The following SLF1 variants were observed in gnomAD, a reference collection of about 807,000 sequenced individuals.
SLF1 encodes the protein SMC5/6 complex localization factor 1.
In SLF1, 105 loss-of-function variants were observed where a neutral mutation model predicts 123.0. The ratio of observed to expected loss-of-function variants is 0.85; its 90% CI spans 0.73 to 1.00. SLF1 has a LOEUF of 1.00. SLF1 is among the 50% of genes least tolerant of loss of function. The pLI, the probability that SLF1 is intolerant of heterozygous loss-of-function variation, is 0.00. For missense variants in SLF1, 1,239 were observed against 1,223.0 expected (o/e 1.01, Z -0.20); for synonymous variants, 434 against 406.6 (o/e 1.07, Z -0.81).
chr5:94,648,135 CA>C (rs1747276564), intron 5 of SLF1, among the ~76,000 whole-genome samples: 1 of 152,150 alleles, frequency 6.6e-6, no homozygotes, highest in South Asian at 2.1e-4. Flanking sequence ...GCCAGGTACT[CA>C]TTTCCCCCCA....
At chr5:94,687,011 G>A (rs573754345) in intron 16 of SLF1, among the ~76,000 whole-genome samples, 3 of 152,244 alleles carry the variant, frequency 2.0e-5, no homozygotes, top group South Asian at 2.1e-4. Context: ...TGATCTGCCT[G>A]CCTCGGCCTC....
rs755998899 is a variant in SLF1 at position 94,686,685 on chromosome 5, T to G, written c.2088T>G (p.Ser696Arg). The G allele has an allele frequency of 5.6e-6, 9 of 1,614,134 alleles. No homozygotes were observed. The South Asian group carries it at 8.8e-5, about 16-fold the overall frequency. The stretch of plus-strand genomic sequence containing the variant: ...AGTTGTGTCTACAGAGCTCTGGCAG[T>G]GTTTCTTCTGAGCCACTCTCTCTTC... ...FKKLCLQSSG[S>R]VSSEPLSLQK... The change falls in exon 16 of 21, where the codon AGT becomes AGG. Residue 696 changes from serine to arginine, a missense_variant. By Grantham distance (110) the Ser-to-Arg change is moderately radical (BLOSUM62 -1). Coordinates refer to ENST00000265140, the MANE Select transcript of SLF1 (RefSeq NM_032290.4).
At chr5:94,677,899 A>T (rs1751272567) in intron 14 of SLF1, among the ~76,000 whole-genome samples, 1 of 151,180 alleles carries the variant, frequency 6.6e-6, no homozygotes, top group Non-Finnish European at 1.5e-5. Flanking sequence ...TGTTTATTAT[A>T]AAAGTAATCA....
chr5:94,687,152 C>A (rs868087203), intron 16 of SLF1, among the ~76,000 whole-genome samples: 11 of 152,288 alleles, frequency 7.2e-5, no homozygotes, highest in South Asian at 2.1e-4. Flanking sequence ...TGTATAAAAG[C>A]TAGTATATTT....
intron 9 of SLF1, 61 bp downstream of exon 9, chr5:94,654,813 ATATAAT>A (rs1221518790): frequency 5.9e-6 from 7 of 1,177,810 alleles, no homozygotes; most frequent in Non-Finnish European, 7.9e-6. Context: ...TGTATTCAAA[ATATAAT>A]TATATATACA....
Position 94,655,953 on chromosome 5 carries a change from A to T in SLF1, c.1155+1201A>T, listed in dbSNP as rs557070091. Among the ~76,000 whole-genome samples the T allele has an allele frequency of 4.6e-5, 7 of 151,900 alleles. No homozygotes were observed. The East Asian group carries it at 1.4e-3, about 29-fold the overall frequency. ...GCCTTTTCTTTCTTTTCCTTGCCTG[A>T]TTGCTCTGGTGAGGATGACTTTCAG... On this transcript the variant is annotated intron_variant, in intron 9 of 20. Coordinates refer to ENST00000265140, the MANE Select transcript of SLF1 (RefSeq NM_032290.4).
chr5:94,677,008 A>G (rs954230276), intron 14 of SLF1, among the ~76,000 whole-genome samples: 3 of 152,232 alleles, frequency 2.0e-5, no homozygotes, highest in African/African-American at 4.8e-5. Flanking sequence ...CATATTAGGC[A>G]TAATATGTGC....
At chr5:94,633,067 C>T (rs561903029) in intron 4 of SLF1, among the ~76,000 whole-genome samples, 12 of 151,730 alleles carry the variant, frequency 7.9e-5, no homozygotes, top group Non-Finnish European at 1.3e-4. Context: ...CTTGGCTCAC[C>T]GCAACCTCTG....
chr5:94,651,593 T>TTATG (rs1336458527), intron 6 of SLF1, 109 bp from the exon 7 acceptor site: 2 of 834,946 alleles, frequency 2.4e-6, no homozygotes, highest in African/African-American at 3.6e-5. Context: ...TATGTATATT[T>TTATG]TACAAAATCT....
intron 4 of SLF1, among the ~76,000 whole-genome samples, chr5:94,637,553 T>C (rs1394210641): frequency 6.6e-6 from 1 of 152,058 alleles, no homozygotes; most frequent in African/African-American, 2.4e-5. Context: ...GAATTGCTGC[T>C]TAAGATGGAT....
At position 94,670,989 on chromosome 5, in the gene SLF1, A is replaced by G. The variant is rs1750370681; in HGVS notation, c.1808A>G (p.Glu603Gly). 1.6e-5 allele frequency: 24 copies of G among 1,543,778 alleles called. No individual in the cohort carries two copies. In the East Asian group the frequency reaches 2.2e-4, roughly 14 times the overall value. Residue 603 changes from glutamate to glycine, a missense_variant, in exon 14 of 21, where the codon GAA (glutamate) becomes GGA (glycine). Glu to Gly is a moderately conservative substitution (Grantham distance 98). Transcript: ENST00000265140. ...LLEWTIYSHK[E>G]KFKSNDVFKH... ...GAATGGACTATATATTCTCACAAGG[A>G]AAAATTCAAGTCTAATGATGTAAGT... is the stretch of plus-strand genomic sequence containing the variant.
intron 15 of SLF1, among the ~76,000 whole-genome samples, chr5:94,682,184 C>T (rs1051373091): frequency 1.3e-5 from 2 of 152,148 alleles, no homozygotes; most frequent in African/African-American, 4.8e-5. Flanking sequence ...AATAATCCAT[C>T]AACAGGATTA....
intron 14 of SLF1, among the ~76,000 whole-genome samples, chr5:94,677,981 C>T (rs1038159677): frequency 2.0e-5 from 3 of 151,192 alleles, no homozygotes; most frequent in Non-Finnish European, 4.4e-5. Context: ...AGTGCAGTGG[C>T]ACAATCTCCT....
chr5:94,675,900 G>T (rs1287533378), intron 14 of SLF1, among the ~76,000 whole-genome samples: 1 of 130,994 alleles, frequency 7.6e-6, no homozygotes. Context: ...GTCCCAACTG[G>T]TTGATTTTTT....
chr5:94,656,255 G>A (rs1186942149), intron 9 of SLF1, among the ~76,000 whole-genome samples: 1 of 151,862 alleles, frequency 6.6e-6, no homozygotes, highest in East Asian at 1.9e-4. Context: ...ATTTGTGTAT[G>A]TTGAACCATC....
intron 10 of SLF1, among the ~76,000 whole-genome samples, chr5:94,662,889 A>G (rs1428208959): frequency 5.3e-5 from 8 of 152,198 alleles, no homozygotes; most frequent in African/African-American, 1.9e-4. Flanking sequence ...GACTCAAATT[A>G]TTCAAGGTAG....
rs1419865001 is a variant in SLF1, at chr5:94,649,542, A to T, written c.683A>T (p.Asp228Val). 1.9e-6 allele frequency: 3 copies of T among 1,539,618 alleles called. No individual in the cohort carries two copies. Among genetic ancestry groups the T allele is most frequent in the Non-Finnish European group, 2.6e-6 (3 of 1,138,552 alleles). Residue 228 changes from aspartate to valine, a missense_variant, in exon 6 of 21, where the codon GAT (aspartate) becomes GTT (valine). Physicochemically the swap from Asp to Val is radical, Grantham distance 152. Coordinates refer to ENST00000265140, the MANE Select transcript of SLF1 (RefSeq NM_032290.4). ...NEETNKDFRK[D>V]AGFLEMKGAL... ...GAAACAAACAAAGATTTCAGGAAAGATGCAGGATTTCTTGAAATGAAAGGT... is the reference window on the plus strand; with the variant it reads ...GAAACAAACAAAGATTTCAGGAAAGTTGCAGGATTTCTTGAAATGAAAGGT...
chr5:94,665,935 G>A lies in SLF1; in HGVS notation c.1443G>A (p.Lys481=), dbSNP rs377358342. ...SALLHLHPPW[K]SPAMSRYYLE... is the part of the protein sequence containing the mutation. ...TTCTTCACCTGCATCCTCCTTGGAA[G>A]TCTCCAGCCATGTCGAGATATTATT... Residue 481 remains lysine, a synonymous_variant, in exon 12 of 21, where the codon AAG becomes AAA. Transcript: ENST00000265140. 2 of 1,550,992 alleles carry A rather than the reference G, an allele frequency of 1.3e-6. No individual in the cohort carries two copies. Among genetic ancestry groups the A allele is most frequent in the Admixed American group, 2.0e-5 (1 of 50,988 alleles).
chr5:94,662,731 A>G (rs964239391), intron 10 of SLF1, among the ~76,000 whole-genome samples: 2 of 149,748 alleles, frequency 1.3e-5, no homozygotes, highest in Non-Finnish European at 3.0e-5. Flanking sequence ...TATTTTACAT[A>G]CTTTCATTTC....
Sources: allele counts gnomAD v4.1 joint callset (sites outside exome capture counted in the v4.1 genomes callset), GRCh38; gene constraint gnomAD v4.1.1; transcripts MANE v1.5; gene names NCBI Gene and HGNC (gene_info 2026-07-23, HGNC 2026-07-21).